NRF1: variants seen among roughly 807,000 people sequenced by gnomAD.
The protein encoded by NRF1 is alpha palindromic-binding protein.
A neutral mutation model predicts 58.5 loss-of-function variants in NRF1; 5 were observed. That is an observed-to-expected ratio of 0.09 (90% CI 0.04 to 0.18). The LOEUF (loss-of-function observed/expected upper bound fraction) is 0.18, where lower values mean the gene tolerates loss of function less well. Among genes scored for constraint, NRF1 ranks in the 10% least tolerant of loss-of-function variants. The pLI, the probability that NRF1 is intolerant of heterozygous loss-of-function variation, is 1.00. For synonymous variants in NRF1, 224 were observed against 246.7 expected (o/e 0.91, Z 0.86); for missense variants, 288 against 657.7 (o/e 0.44, Z 6.15).
rs541252387 is a variant in NRF1, at chr7:129,717,173, A to T, written c.1066-46A>T. ...TTAGAAAAATTACTTGTAAAATTGT[A>T]CTTTTGTGGCTTTGTTTTTTTACTA... is the stretch of plus-strand genomic sequence containing the variant. On this transcript the variant is annotated intron_variant, in intron 8 of 10. Transcript: ENST00000393232. 10 of 1,539,864 alleles carry T rather than the reference A, an allele frequency of 6.5e-6. No individual in the cohort carries two copies. The South Asian group carries it at 1.2e-4, about 19-fold the overall frequency.
chr7:129,740,251 T>C (rs1453680969), intron 10 of NRF1, among the ~76,000 whole-genome samples: 1 of 152,226 alleles, frequency 6.6e-6, no homozygotes, highest in Non-Finnish European at 1.5e-5. Flanking sequence ...CTACTCTCTT[T>C]ACTGGCTGGG....
chr7:129,742,472 C>T (rs1033277353), intron 10 of NRF1, among the ~76,000 whole-genome samples: 2 of 152,080 alleles, frequency 1.3e-5, no homozygotes, highest in African/African-American at 2.4e-5. Flanking sequence ...TCCTTATTCC[C>T]GTAGCACTGT....
intron 10 of NRF1, among the ~76,000 whole-genome samples, chr7:129,737,131 T>C (rs1803732952): frequency 6.6e-6 from 1 of 152,264 alleles, no homozygotes; most frequent in Non-Finnish European, 1.5e-5. Context: ...CACAGTACTA[T>C]GTAGACGCTG....
At chr7:129,712,421 G>A (rs1369928024) in intron 8 of NRF1, among the ~76,000 whole-genome samples, 2 of 152,206 alleles carry the variant, frequency 1.3e-5, no homozygotes, top group Admixed American at 1.3e-4. Context: ...TCTCACCCTT[G>A]TTGAGAGCCA....
In NRF1 at chr7:129,671,848, T is replaced by C. The variant is rs959588470; in HGVS notation, c.338+305T>C. 3.3e-4 allele frequency among the ~76,000 whole-genome samples: 50 copies of C among 152,030 alleles called. 1 individual carries two copies. The highest frequency in any genetic ancestry group is 3.3e-3 in the Admixed American group (50 of 15,264). On this transcript the variant is annotated intron_variant, in intron 3 of 10. Coordinates refer to ENST00000393232, the MANE Select transcript of NRF1 (RefSeq NM_005011.5). Reference sequence around the variant, plus strand: ...TTGCCTTAAAGAGCTTGTATCCTGCTAGAGGGGGAAAGAAAAAAACAATAT... The same window carrying C: ...TTGCCTTAAAGAGCTTGTATCCTGCCAGAGGGGGAAAGAAAAAAACAATAT...
chr7:129,683,321 G>GTGTGTC (rs71167204), intron 4 of NRF1, among the ~76,000 whole-genome samples: 1 of 100,040 alleles, frequency 1.0e-5, no homozygotes, highest in Non-Finnish European at 2.1e-5. Context: ...GTGTGTGTGT[G>GTGTGTC]AGAGAGAGAG....
At chr7:129,696,508 A>G (rs1802702975) in intron 5 of NRF1, among the ~76,000 whole-genome samples, 1 of 151,946 alleles carries the variant, frequency 6.6e-6, no homozygotes, top group African/African-American at 2.4e-5. Context: ...GAGCTCAGAT[A>G]TAGCTTATAG....
Position 129,717,302 on chromosome 7 carries a change from A to G in NRF1, c.1149A>G (p.Ala383=), listed in dbSNP as rs1584667897. The G allele has an allele frequency of 6.2e-7, 1 of 1,614,148 alleles. No homozygotes were observed. Among genetic ancestry groups the G allele is most frequent in the Non-Finnish European group, 8.5e-7 (1 of 1,180,000 alleles). Reference sequence around the variant, plus strand: ...CATCAGAGGCCACCCAGGCGGTGGCATCGTTGGCAGAGGCCGCAGTGGCAG... The same window carrying G: ...CATCAGAGGCCACCCAGGCGGTGGCGTCGTTGGCAGAGGCCGCAGTGGCAG... ...TQASEATQAV[A]SLAEAAVAAS... Residue 383 remains alanine (A), a synonymous_variant, in exon 9 of 11, where the codon GCA becomes GCG. Transcript: ENST00000393232.
chr7:129,754,905 C>A lies in NRF1; in HGVS notation c.1349-113C>A, dbSNP rs554245800. On this transcript the variant is annotated intron_variant, in intron 10 of 10. Coordinates refer to ENST00000393232, the MANE Select transcript of NRF1 (RefSeq NM_005011.5). ...TGCCTGGGCCATGGGTATGTGATCACCTGAGGCTGGTGACCACGATACCTC... is the reference window on the plus strand; with the variant it reads ...TGCCTGGGCCATGGGTATGTGATCAACTGAGGCTGGTGACCACGATACCTC... The A allele has an allele frequency of 2.8e-5, 30 of 1,060,282 alleles. No individual in the cohort carries two copies. In the East Asian group the frequency reaches 7.7e-4, roughly 27 times the overall value. The allele number at this position is 1,060,282 out of a possible 1,614,324, so 65.7% of individuals were successfully genotyped here.
At chr7:129,734,587 C>G (rs1260869974) in intron 10 of NRF1, among the ~76,000 whole-genome samples, 1 of 152,230 alleles carries the variant, frequency 6.6e-6, no homozygotes, top group Non-Finnish European at 1.5e-5. Flanking sequence ...GTGCCCCGGG[C>G]TCAGCAGCCC....
At chr7:129,652,716 G>A (rs1262088481) in intron 1 of NRF1, among the ~76,000 whole-genome samples, 2 of 152,050 alleles carry the variant, frequency 1.3e-5, no homozygotes, top group African/African-American at 2.4e-5. Flanking sequence ...TCAGCCTCCC[G>A]AGTAGCTGGG....
intron 7 of NRF1, 56 bp downstream of exon 7, chr7:129,710,627 C>T (rs1373113145): frequency 3.4e-6 from 3 of 888,274 alleles, no homozygotes; most frequent in Admixed American, 3.4e-5. Context: ...CAGTGGGCAC[C>T]TCACCTCAGA....
At chr7:129,739,476 C>T (rs1241021024) in intron 10 of NRF1, among the ~76,000 whole-genome samples, 1 of 149,992 alleles carries the variant, frequency 6.7e-6, no homozygotes, top group Non-Finnish European at 1.5e-5. Context: ...GAGGACAACA[C>T]AAATACTTCA....
intron 5 of NRF1, among the ~76,000 whole-genome samples, chr7:129,702,439 G>C (rs1802848191): frequency 6.6e-6 from 1 of 152,082 alleles, no homozygotes; most frequent in African/African-American, 2.4e-5. Flanking sequence ...GTGTTTTTAG[G>C]GAAAATGAGA....
chr7:129,657,587 G>A lies in NRF1; in HGVS notation c.223+13G>A, dbSNP rs753032600. 2 of 1,538,668 alleles carry A rather than the reference G, an allele frequency of 1.3e-6. No homozygotes were observed. The highest frequency in any genetic ancestry group is 1.8e-6 in the Non-Finnish European group (2 of 1,122,656). ...CTGGCAGCTGCAGGTAGTGTTGTTTGGATTAGAAGCTCTTCTTTAATTTTT... is the reference window on the plus strand; with the variant it reads ...CTGGCAGCTGCAGGTAGTGTTGTTTAGATTAGAAGCTCTTCTTTAATTTTT... On this transcript the variant is annotated intron_variant, in intron 2 of 10. Transcript: ENST00000393232.
chr7:129,749,933 TAA>T (rs1804073342), intron 10 of NRF1, among the ~76,000 whole-genome samples: 1 of 152,168 alleles, frequency 6.6e-6, no homozygotes, highest in African/African-American at 2.4e-5. Context: ...TCTGAAATAC[TAA>T]AGTCTTCAGG....
intron 2 of NRF1, 30 bp from the exon 3 acceptor site, chr7:129,671,399 C>T (rs767182693): frequency 2.4e-5 from 34 of 1,436,494 alleles, no homozygotes; most frequent in Non-Finnish European, 3.0e-5. Flanking sequence ...AGGCAGCTGC[C>T]TAATCTCAGC....
chr7:129,632,291 T>G (rs1232608641), intron 1 of NRF1, among the ~76,000 whole-genome samples: 1 of 152,072 alleles, frequency 6.6e-6, no homozygotes, highest in Non-Finnish European at 1.5e-5. Flanking sequence ...AATTTTCTTA[T>G]TATAATAGAT....
intron 1 of NRF1, among the ~76,000 whole-genome samples, chr7:129,651,229 C>G (rs1029569278): frequency 3.9e-5 from 6 of 152,024 alleles, no homozygotes; most frequent in Non-Finnish European, 8.8e-5. Flanking sequence ...TGAGACCAGC[C>G]TGGCTGATAT....
Sources: allele counts gnomAD v4.1 joint callset (sites outside exome capture counted in the v4.1 genomes callset), GRCh38; gene constraint gnomAD v4.1.1; transcripts MANE v1.5; gene names NCBI Gene and HGNC (gene_info 2026-07-23, HGNC 2026-07-21).